EPB41L2: variants seen among roughly 807,000 people sequenced by gnomAD.
EPB41L2 encodes erythrocyte membrane protein band 4.1 like 2, also known as band 4.1-like protein 2.
In EPB41L2, 43 loss-of-function variants were observed where a neutral mutation model predicts 113.0. The ratio of observed to expected loss-of-function variants is 0.38; its 90% CI spans 0.30 to 0.49. EPB41L2 has a LOEUF of 0.49. Among genes scored for constraint, EPB41L2 ranks in the 20% least tolerant of loss-of-function variants. The pLI, the probability that EPB41L2 is intolerant of heterozygous loss-of-function variation, is 0.95. For synonymous variants in EPB41L2, 442 were observed against 436.7 expected (o/e 1.01, Z -0.15); for missense variants, 1,147 against 1,223.4 (o/e 0.94, Z 0.93).
chr6:130,931,949 T>C (rs1451092072), intron 3 of EPB41L2, among the ~76,000 whole-genome samples: 1 of 152,154 alleles, frequency 6.6e-6, no homozygotes. Flanking sequence ...TCTCTATGCC[T>C]CAGTTCCGCT....
chr6:130,957,699 C>T (rs1432770166), intron 1 of EPB41L2, among the ~76,000 whole-genome samples: 2 of 151,494 alleles, frequency 1.3e-5, no homozygotes, highest in Admixed American at 1.3e-4. Context: ...AAAAAGTACA[C>T]TTGTTTTAAA....
At chr6:131,007,444 C>T (rs1412859436) in intron 1 of EPB41L2, among the ~76,000 whole-genome samples, 1 of 152,096 alleles carries the variant, frequency 6.6e-6, no homozygotes, top group Non-Finnish European at 1.5e-5. Flanking sequence ...TGCAAATGAA[C>T]TAATACAGTA....
intron 3 of EPB41L2, among the ~76,000 whole-genome samples, chr6:130,951,312 C>CTTTTTTTTTTTTTTTTTT (rs34082234): frequency 2.0e-5 from 1 of 50,818 alleles, no homozygotes; most frequent in African/African-American, 1.3e-4. Flanking sequence ...AGCCTCAGTA[C>CTTTTTTTTTTTTTTTTTT]TTTTTTTTTT....
chr6:131,060,807 C>A (rs967411075), intron 1 of EPB41L2, among the ~76,000 whole-genome samples: 12 of 152,070 alleles, frequency 7.9e-5, no homozygotes, highest in African/African-American at 2.9e-4. Flanking sequence ...TTTTTGGTGG[C>A]CTCTCTTCAG....
chr6:130,961,185 T>C (rs1221699824), intron 1 of EPB41L2, among the ~76,000 whole-genome samples: 1 of 152,210 alleles, frequency 6.6e-6, no homozygotes, highest in Non-Finnish European at 1.5e-5. Flanking sequence ...AGTTATATAA[T>C]ACATTAAGTA....
rs539805079 is a variant in EPB41L2 at position 130,848,112 on chromosome 6, T to C, written c.*6-7514A>G. 1.7e-3 allele frequency among the ~76,000 whole-genome samples: 260 copies of C among 151,892 alleles called. 1 individual carries two copies. The highest frequency in any genetic ancestry group is 2.1e-3 in the Non-Finnish European group (144 of 67,962). On this transcript the variant is annotated intron_variant, in intron 19 of 19. Coordinates refer to ENST00000337057, the MANE Select transcript of EPB41L2 (RefSeq NM_001431.4). ...GAGGGAACATGGGAAAAAAATCACT[T>C]TTCCTCAAAGTTAAATAAAGATAGC...
chr6:130,965,644 CAAA>C (rs35081059), intron 1 of EPB41L2, among the ~76,000 whole-genome samples: 38,714 of 127,892 alleles, frequency 0.3, 5,972 homozygotes, highest in Non-Finnish European at 0.39. Flanking sequence ...AAACAGTTAT[CAAA>C]AAAAAAAAAA....
At chr6:130,872,258 GAATT>G (rs1785971076) in intron 14 of EPB41L2, 2 of 779,810 alleles carry the variant, frequency 2.6e-6, no homozygotes, top group Non-Finnish European at 3.3e-6. Flanking sequence ...CTCCCAGGAA[GAATT>G]AATTTCACCA....
chr6:130,953,406 T>C (rs1042203999), intron 3 of EPB41L2, among the ~76,000 whole-genome samples: 3 of 152,034 alleles, frequency 2.0e-5, no homozygotes, highest in African/African-American at 7.2e-5. Context: ...CTAATCCCTA[T>C]GGTGGTGGCA....
intron 3 of EPB41L2, among the ~76,000 whole-genome samples, chr6:130,938,840 G>A (rs1424545435): frequency 1.3e-5 from 2 of 152,176 alleles, no homozygotes; most frequent in Non-Finnish European, 2.9e-5. Context: ...CACTCAAACT[G>A]CTGATCCTCT....
At chr6:130,983,476 A>G (rs1332379199) in intron 1 of EPB41L2, among the ~76,000 whole-genome samples, 1 of 151,844 alleles carries the variant, frequency 6.6e-6, no homozygotes, top group Non-Finnish European at 1.5e-5. Context: ...CTAGCCTACA[A>G]ATTTTTACGG....
intron 1 of EPB41L2, among the ~76,000 whole-genome samples, chr6:131,048,138 C>CAAAAAAAAAAAAAAA (rs200522047): frequency 1.9e-5 from 1 of 53,028 alleles, no homozygotes; most frequent in African/African-American, 5.6e-5. Flanking sequence ...GACTCTGTCT[C>CAAAAAAAAAAAAAAA]AAAAAAAAAA....
intron 13 of EPB41L2, 42 bp downstream of exon 13, chr6:130,880,102 G>A: frequency 6.8e-7 from 1 of 1,473,432 alleles, no homozygotes; most frequent in South Asian, 1.2e-5. Flanking sequence ...ACAGCAGCCG[G>A]GCAGCCATTA....
intron 3 of EPB41L2, among the ~76,000 whole-genome samples, chr6:130,935,030 C>A (rs957780288): frequency 1.3e-5 from 2 of 152,114 alleles, no homozygotes; most frequent in Admixed American, 6.5e-5. Flanking sequence ...ATTGCCACAT[C>A]TTTTCCATTC....
chr6:130,940,705 G>A (rs1181816054), intron 3 of EPB41L2, among the ~76,000 whole-genome samples: 1 of 152,040 alleles, frequency 6.6e-6, no homozygotes, highest in Non-Finnish European at 1.5e-5. Flanking sequence ...GACCTCAAGT[G>A]TGATCTGCCC....
At chr6:130,971,523 T>G (rs749079456) in intron 1 of EPB41L2, among the ~76,000 whole-genome samples, 1 of 152,212 alleles carries the variant, frequency 6.6e-6, no homozygotes, top group Non-Finnish European at 1.5e-5. Context: ...GTCAGTCTGA[T>G]CACCAAGCCG....
intron 8 of EPB41L2, among the ~76,000 whole-genome samples, chr6:130,896,950 C>T (rs1031384348): frequency 2.0e-5 from 3 of 152,092 alleles, no homozygotes; most frequent in East Asian, 3.9e-4. Context: ...TCCCTCCCTA[C>T]GTGGTCACCT....
chr6:130,989,155 C>G (rs190758655), intron 1 of EPB41L2, among the ~76,000 whole-genome samples: 8 of 152,230 alleles, frequency 5.3e-5, no homozygotes, highest in South Asian at 4.1e-4. Flanking sequence ...ATTGAACATT[C>G]ACTCATTCAG....
intron 1 of EPB41L2, among the ~76,000 whole-genome samples, chr6:131,025,496 C>G (rs1474139222): frequency 6.6e-6 from 1 of 152,170 alleles, no homozygotes; most frequent in Non-Finnish European, 1.5e-5. Context: ...GGCAAAGTCA[C>G]AGTATCAAAC....
Sources: allele counts gnomAD v4.1 joint callset (sites outside exome capture counted in the v4.1 genomes callset), GRCh38; gene constraint gnomAD v4.1.1; transcripts MANE v1.5; gene names NCBI Gene and HGNC (gene_info 2026-07-23, HGNC 2026-07-21).